Variants in SGCZ observed in about 807,000 individuals in gnomAD.
SGCZ encodes the protein sarcoglycan zeta, also known as zeta-sarcoglycan.
SGCZ carries 40 observed loss-of-function variants against 41.3 expected under a neutral mutation model. That is an observed-to-expected ratio of 0.97 (90% CI 0.75 to 1.26). The LOEUF is 1.26. SGCZ is among the 50% of genes most tolerant of loss of function. The probability of loss-of-function intolerance (pLI) is 0.00; values close to 1 mark genes in which losing one functional copy is unlikely to be tolerated. For synonymous variants in SGCZ, 206 were observed against 137.5 expected (o/e 1.50, Z -3.49); for missense variants, 552 against 369.8 (o/e 1.49, Z -4.04).
At chr8:14,882,655 A>T (rs552422821) in intron 1 of SGCZ, among the ~76,000 whole-genome samples, 1 of 152,112 alleles carries the variant, frequency 6.6e-6, no homozygotes, top group Non-Finnish European at 1.5e-5. Context: ...CACCACCTAT[A>T]TTTCTTTTTC....
At chr8:14,871,384 C>A (rs992630683) in intron 1 of SGCZ, among the ~76,000 whole-genome samples, 1 of 152,032 alleles carries the variant, frequency 6.6e-6, no homozygotes, top group Non-Finnish European at 1.5e-5. Context: ...CCCATTACTG[C>A]GTATATACCC....
At chr8:14,177,962 T>TC (rs71209018) in intron 4 of SGCZ, among the ~76,000 whole-genome samples, 69 of 132,130 alleles carry the variant, frequency 5.2e-4, no homozygotes, top group Non-Finnish European at 8.0e-4. Context: ...TTTTTTCTTT[T>TC]TTTTTTTTTT....
intron 1 of SGCZ, among the ~76,000 whole-genome samples, chr8:14,684,956 T>G (rs971488149): frequency 3.3e-5 from 5 of 152,254 alleles, no homozygotes; most frequent in Admixed American, 6.5e-5. Context: ...TAATTAAATT[T>G]CTAAATGTAC....
intron 1 of SGCZ, among the ~76,000 whole-genome samples, chr8:15,132,838 T>A (rs1174089858): frequency 6.6e-6 from 1 of 152,114 alleles, no homozygotes; most frequent in Non-Finnish European, 1.5e-5. Flanking sequence ...TTCATAAAGT[T>A]CTAGCAAAAA....
At chr8:14,704,222 T>C (rs551400725) in intron 1 of SGCZ, among the ~76,000 whole-genome samples, 25 of 152,114 alleles carry the variant, frequency 1.6e-4, no homozygotes, top group African/African-American at 5.8e-4. Context: ...AAGCTAATAA[T>C]AATAGCAGTA....
intron 1 of SGCZ, among the ~76,000 whole-genome samples, chr8:14,895,720 C>T (rs1038407763): frequency 4.6e-5 from 7 of 152,214 alleles, no homozygotes; most frequent in East Asian, 1.9e-4. Flanking sequence ...ATGTTCTTTT[C>T]GAATGTGTGA....
intron 3 of SGCZ, among the ~76,000 whole-genome samples, chr8:14,321,338 T>C (rs534073770): frequency 6.6e-6 from 1 of 152,142 alleles, no homozygotes; most frequent in South Asian, 2.1e-4. Flanking sequence ...AGGGTGTGAA[T>C]TGCTGAGGCT....
At chr8:15,135,756 T>C (rs1251059684) in intron 1 of SGCZ, among the ~76,000 whole-genome samples, 3 of 152,042 alleles carry the variant, frequency 2.0e-5, no homozygotes, top group African/African-American at 7.2e-5. Context: ...TCTTGGCCTA[T>C]CCCAGGAAAT....
intron 1 of SGCZ, among the ~76,000 whole-genome samples, chr8:14,632,463 C>T (rs917832103): frequency 1.3e-5 from 2 of 152,038 alleles, no homozygotes; most frequent in African/African-American, 4.8e-5. Context: ...TAAACTGAAG[C>T]AATTCACTGC....
intron 1 of SGCZ, among the ~76,000 whole-genome samples, chr8:15,182,008 C>T (rs1164794130): frequency 2.6e-5 from 4 of 152,098 alleles, no homozygotes; most frequent in Admixed American, 2.0e-4. Flanking sequence ...GAATGGTGCA[C>T]TCATCACTGA....
chr8:14,220,433 G>C (rs1585245329), intron 4 of SGCZ, among the ~76,000 whole-genome samples: 1 of 152,184 alleles, frequency 6.6e-6, no homozygotes, highest in African/African-American at 2.4e-5. Context: ...AGAGAAAGCA[G>C]ATGGTAGAGT....
chr8:14,464,734 A>C (rs1194112539), intron 2 of SGCZ, among the ~76,000 whole-genome samples: 1 of 151,588 alleles, frequency 6.6e-6, no homozygotes, highest in Non-Finnish European at 1.5e-5. Flanking sequence ...TATAACTATA[A>C]ATACGCCATG....
intron 1 of SGCZ, among the ~76,000 whole-genome samples, chr8:15,063,334 T>C (rs1461798838): frequency 6.6e-6 from 1 of 152,196 alleles, no homozygotes; most frequent in Non-Finnish European, 1.5e-5. Flanking sequence ...ATTACTTATA[T>C]TGTTCTTCTA....
At chr8:15,159,137 T>C (rs1305512834) in intron 1 of SGCZ, among the ~76,000 whole-genome samples, 9 of 152,126 alleles carry the variant, frequency 5.9e-5, no homozygotes, top group Non-Finnish European at 5.9e-5. Flanking sequence ...GCCAATGATT[T>C]AATCAGTCAT....
intron 3 of SGCZ, among the ~76,000 whole-genome samples, chr8:14,239,987 G>A (rs1412310913): frequency 6.7e-6 from 1 of 150,124 alleles, no homozygotes; most frequent in Non-Finnish European, 1.5e-5. Context: ...GGTTGAGAAG[G>A]CAATGGATAG....
At chr8:15,184,451 G>A (rs894682914) in intron 1 of SGCZ, among the ~76,000 whole-genome samples, 1 of 152,050 alleles carries the variant, frequency 6.6e-6, no homozygotes, top group Non-Finnish European at 1.5e-5. Context: ...TGGCAAATCT[G>A]AGAAGTTGTA....
chr8:15,144,520 A>G (rs947874578), intron 1 of SGCZ, among the ~76,000 whole-genome samples: 2 of 151,832 alleles, frequency 1.3e-5, no homozygotes, highest in Non-Finnish European at 2.9e-5. Flanking sequence ...GCTTCAGTGC[A>G]GTGGAGCCAC....
At chr8:14,630,886 G>T in intron 1 of SGCZ, among the ~76,000 whole-genome samples, 1 of 102,478 alleles carries the variant, frequency 9.8e-6, no homozygotes, top group Admixed American at 1.3e-4. Context: ...TGGGGGGAGG[G>T]GAGAGGGATA....
chr8:14,098,251 C>CT (rs1801905480), intron 7 of SGCZ, among the ~76,000 whole-genome samples: 1 of 152,112 alleles, frequency 6.6e-6, no homozygotes, highest in Non-Finnish European at 1.5e-5. Context: ...ATAGTTACTT[C>CT]TGTGTTAAGT....
Sources: allele counts gnomAD v4.1 joint callset (sites outside exome capture counted in the v4.1 genomes callset), GRCh38; gene constraint gnomAD v4.1.1; transcripts MANE v1.5; gene names NCBI Gene and HGNC (gene_info 2026-07-23, HGNC 2026-07-21).